The following UNC13C variants were observed in gnomAD, a reference collection of about 807,000 sequenced individuals.
The protein encoded by UNC13C is protein unc-13 homolog C.
Under a neutral mutation model 245.4 loss-of-function variants are expected in UNC13C, and 174 were observed. That is an observed-to-expected ratio of 0.71 (90% CI 0.63 to 0.80). The LOEUF is 0.80. Ranked by LOEUF, UNC13C falls within the 30% of genes least tolerant of loss-of-function variation. UNC13C has a pLI of 0.00. For missense variants in UNC13C, 2,829 were observed against 2,602.9 expected (o/e 1.09, Z -1.89); for synonymous variants, 992 against 895.1 (o/e 1.11, Z -1.93).
chr15:54,565,777 T>C (rs1246260760), intron 29 of UNC13C, among the ~76,000 whole-genome samples: 1 of 152,028 alleles, frequency 6.6e-6, no homozygotes, highest in African/African-American at 2.4e-5. Context: ...TTATTATTAA[T>C]TTTCTACAAT....
chr15:54,311,360 A>G (rs2037868170), intron 13 of UNC13C, among the ~76,000 whole-genome samples: 1 of 151,784 alleles, frequency 6.6e-6, no homozygotes, highest in South Asian at 2.1e-4. Context: ...AACTAAATGT[A>G]TTACTCATAT....
At chr15:54,555,562 C>G (rs1300707242) in intron 29 of UNC13C, 50 bp downstream of exon 29, 11 of 1,426,946 alleles carry the variant, frequency 7.7e-6, no homozygotes, top group African/African-American at 1.4e-5. Context: ...CCCCATTTAC[C>G]TCCAGAGATA....
downstream of UNC13C, chr15:54,632,601 G>A (rs2141333775): frequency 6.6e-6 from 1 of 152,230 alleles, no homozygotes; most frequent in East Asian, 1.9e-4. Context: ...ATGTCCAATT[G>A]TTCCAGCACC....
At chr15:54,162,055 G>C (rs1423237066) in intron 4 of UNC13C, among the ~76,000 whole-genome samples, 1 of 152,150 alleles carries the variant, frequency 6.6e-6, no homozygotes, top group African/African-American at 2.4e-5. Flanking sequence ...TTATTTTTTG[G>C]CTGCTTTGCT....
chr15:54,464,212 C>G (rs1486908777), intron 19 of UNC13C, among the ~76,000 whole-genome samples: 1 of 151,990 alleles, frequency 6.6e-6, no homozygotes. Flanking sequence ...CTGAATTTTC[C>G]TTTTTAATAA....
intron 8 of UNC13C, among the ~76,000 whole-genome samples, chr15:54,252,523 C>T (rs2140870100): frequency 6.6e-6 from 1 of 152,188 alleles, no homozygotes; most frequent in Non-Finnish European, 1.5e-5. Flanking sequence ...TCATATTGAT[C>T]AGAAAGAGGT....
chr15:54,415,646 C>G (rs1240438624), intron 19 of UNC13C, among the ~76,000 whole-genome samples: 1 of 152,124 alleles, frequency 6.6e-6, no homozygotes, highest in African/African-American at 2.4e-5. Flanking sequence ...CCTCTAGAAA[C>G]TAACAACCTA....
At chr15:54,261,757 A>G (rs1046459355) in intron 8 of UNC13C, among the ~76,000 whole-genome samples, 2 of 152,086 alleles carry the variant, frequency 1.3e-5, no homozygotes, top group Admixed American at 6.6e-5. Flanking sequence ...TGTTAGCCAG[A>G]TGGTCACAAT....
chr15:54,506,020 C>T (rs977897932), intron 22 of UNC13C, among the ~76,000 whole-genome samples: 3 of 151,996 alleles, frequency 2.0e-5, no homozygotes, highest in South Asian at 2.1e-4. Context: ...CTTTAGAAAA[C>T]GATAACAAAG....
intron 1 of UNC13C, among the ~76,000 whole-genome samples, chr15:53,996,229 C>T (rs1894626989): frequency 6.6e-6 from 1 of 152,142 alleles, no homozygotes; most frequent in Non-Finnish European, 1.5e-5. Flanking sequence ...TTTTTGAATA[C>T]TTATTGTAAT....
At chr15:54,356,228 C>A (rs1002722342) in intron 17 of UNC13C, among the ~76,000 whole-genome samples, 2 of 152,018 alleles carry the variant, frequency 1.3e-5, no homozygotes, top group Non-Finnish European at 2.9e-5. Context: ...AAGTATGTAT[C>A]AAATAAAATT....
intron 7 of UNC13C, among the ~76,000 whole-genome samples, chr15:54,246,416 T>TG (rs1199871611): frequency 2.2e-5 from 3 of 134,008 alleles, no homozygotes; most frequent in East Asian, 2.1e-4. Flanking sequence ...AAATAATGTT[T>TG]TTTTTTTTTT....
At chr15:53,906,701 G>A in the UNC13C span, among the ~76,000 whole-genome samples, 1 of 152,186 alleles carries the variant, frequency 6.6e-6, no homozygotes, top group East Asian at 1.9e-4. Flanking sequence ...CCAGTACCCT[G>A]TATTAGTCCA....
rs16974547 is a variant in UNC13C, at chr15:54,353,996, T to C, written c.4713+15507T>C. On this transcript the variant is annotated intron_variant, in intron 17 of 32. Coordinates refer to ENST00000260323, the MANE Select transcript of UNC13C (RefSeq NM_001080534.3). ...ACAATTCCTAGGGAAGAATTGGTTG[T>C]CCTGCCTGCTTCATGTCAGCAAATA... Among the ~76,000 whole-genome samples, 1,089 of 152,336 alleles carry C rather than the reference T, an allele frequency of 7.1e-3. 16 individuals are homozygous for C. The highest frequency in any genetic ancestry group is 0.025 in the African/African-American group (1,025 of 41,576).
intron 4 of UNC13C, among the ~76,000 whole-genome samples, chr15:54,171,145 C>T (rs1173222970): frequency 6.6e-6 from 1 of 152,112 alleles, no homozygotes; most frequent in African/African-American, 2.4e-5. Flanking sequence ...TTATGTCTCT[C>T]TATAATCAAT....
chr15:54,168,222 C>T (rs1026574377), intron 4 of UNC13C, among the ~76,000 whole-genome samples: 3 of 151,982 alleles, frequency 2.0e-5, no homozygotes, highest in East Asian at 1.9e-4. Flanking sequence ...AAGTCAGTTC[C>T]CATGTTGTCT....
At chr15:53,995,465 G>A (rs12913469) in intron 1 of UNC13C, among the ~76,000 whole-genome samples, 80,838 of 120,504 alleles carry the variant, frequency 0.67, 24,966 homozygotes, top group Middle Eastern at 0.78. Flanking sequence ...TTCTTTGCCC[G>A]CCCACCCCAC....
chr15:53,945,593 G>T, the UNC13C span, among the ~76,000 whole-genome samples: 2 of 151,992 alleles, frequency 1.3e-5, no homozygotes, highest in African/African-American at 4.8e-5. Flanking sequence ...CTTCTGTTCA[G>T]TTGGTCTTTG....
chr15:54,617,119 C>A (rs1596686253), intron 30 of UNC13C, among the ~76,000 whole-genome samples: 1 of 152,010 alleles, frequency 6.6e-6, no homozygotes, highest in East Asian at 1.9e-4. Context: ...GAAGAAATCA[C>A]CTAACACATT....
Sources: allele counts gnomAD v4.1 joint callset (sites outside exome capture counted in the v4.1 genomes callset), GRCh38; gene constraint gnomAD v4.1.1; transcripts MANE v1.5; gene names NCBI Gene and HGNC (gene_info 2026-07-23, HGNC 2026-07-21).